Variants in GPNMB observed in about 807,000 individuals in gnomAD.
GPNMB encodes the protein glycoprotein nmb, also known as transmembrane glycoprotein NMB.
A neutral mutation model predicts 57.3 loss-of-function variants in GPNMB; 71 were observed. That is an observed-to-expected ratio of 1.24 (90% CI 1.02 to 1.51). GPNMB has a LOEUF of 1.51. GPNMB is among the 40% of genes most tolerant of loss of function. GPNMB has a pLI of 0.00. For synonymous variants in GPNMB, 253 were observed against 263.2 expected, an observed-to-expected ratio of 0.96 and a Z score of 0.38; for missense variants, 677 against 691.9, an observed-to-expected ratio of 0.98 and a Z score of 0.24.
intron 1 of GPNMB, 90 bp from the exon 2 acceptor site, chr7:23,253,217 C>A: frequency 8.8e-7 from 1 of 1,139,698 alleles, no homozygotes; most frequent in Non-Finnish European, 1.3e-6. Flanking sequence ...TATGTATGTG[C>A]TTTTCAACAG....
intron 2 of GPNMB, 148 bp from the exon 3 acceptor site, chr7:23,254,021 C>T: frequency 1.9e-6 from 1 of 522,262 alleles, no homozygotes; most frequent in Non-Finnish European, 3.1e-6. Flanking sequence ...ACTCTGAAAG[C>T]TAAAGTGAGG....
chr7:23,269,929 T>C, intron 8 of GPNMB, 38 bp from the exon 9 acceptor site: 2 of 1,426,920 alleles, frequency 1.4e-6, no homozygotes, highest in Non-Finnish European at 2.0e-6. Flanking sequence ...TCCCCTTCTC[T>C]GTGCCCTGTG....
intron 1 of GPNMB, among the ~76,000 whole-genome samples, chr7:23,248,183 G>C (rs187070585): frequency 3.3e-5 from 5 of 152,318 alleles, no homozygotes; most frequent in Non-Finnish European, 7.4e-5. Flanking sequence ...GTTCTTGTGA[G>C]ATCAGCTGCT....
At chr7:23,253,486 C>T in intron 2 of GPNMB, 27 bp downstream of exon 2, 3 of 1,588,536 alleles carry the variant, frequency 1.9e-6, no homozygotes, top group Non-Finnish European at 2.6e-6. Flanking sequence ...AAACCAAACA[C>T]CTGCAATTTC....
At chr7:23,266,688 C>A (rs1374586875) in intron 7 of GPNMB, 73 bp downstream of exon 7, 1 of 1,402,042 alleles carries the variant, frequency 7.1e-7, no homozygotes, top group East Asian at 2.3e-5. Flanking sequence ...TCTCTGCTAA[C>A]TCTGAAGGGG....
intron 1 of GPNMB, among the ~76,000 whole-genome samples, chr7:23,251,774 T>G (rs573813514): frequency 6.6e-6 from 1 of 152,340 alleles, no homozygotes; most frequent in South Asian, 2.1e-4. Flanking sequence ...GAAGACTGCT[T>G]CTCAGCTCTC....
chr7:23,256,160 C>T (rs775249678), intron 3 of GPNMB, among the ~76,000 whole-genome samples: 2 of 152,152 alleles, frequency 1.3e-5, no homozygotes, highest in Non-Finnish European at 2.9e-5. Context: ...CCCATCTCGG[C>T]CTCCCAAAGT....
intron 2 of GPNMB, 67 bp downstream of exon 2, chr7:23,253,526 GC>G: frequency 3.7e-6 from 5 of 1,360,866 alleles, no homozygotes; most frequent in Non-Finnish European, 5.2e-6. Context: ...AGATGGTAAA[GC>G]CTTTTAGATC....
chr7:23,259,218 G>T (rs750122586), intron 4 of GPNMB, among the ~76,000 whole-genome samples: 10 of 151,950 alleles, frequency 6.6e-5, no homozygotes, highest in Admixed American at 1.3e-4. Context: ...ACAGAGTCTC[G>T]CTCTGTCACC....
chr7:23,272,609 A>G (rs1464347402), intron 9 of GPNMB, among the ~76,000 whole-genome samples: 1 of 152,224 alleles, frequency 6.6e-6, no homozygotes, highest in Non-Finnish European at 1.5e-5. Flanking sequence ...TCAGAAATAG[A>G]TCATTCTTCA....
In GPNMB at chr7:23,266,537, C is replaced by T. The variant is rs184014301; in HGVS notation, c.1039C>T (p.Leu347=). The change falls in exon 7 of 11, where the codon CTG becomes TTG. Residue 347 remains leucine, a synonymous_variant. Coordinates refer to ENST00000258733, the MANE Select transcript of GPNMB (RefSeq NM_002510.3). Reference sequence around the variant, plus strand: ...CCCAGGACCTGCTGGTGACAACCCCCTGGAGCTGAGTAGGATTCCTGATGA... The same window carrying T: ...CCCAGGACCTGCTGGTGACAACCCCTTGGAGCTGAGTAGGATTCCTGATGA... ...PSLGPAGDNP[L]ELSRIPDENC... 8 of 1,613,638 alleles carry T rather than the reference C, an allele frequency of 5.0e-6. No individual in the cohort carries two copies. The East Asian group carries it at 1.6e-4, about 31-fold the overall frequency.
Position 23,256,915 on chromosome 7 carries a change from T to G in GPNMB, c.391T>G (p.Tyr131Asp), listed in dbSNP as rs956997820. The G allele has an allele frequency of 6.2e-7, 1 of 1,614,042 alleles. No homozygotes were observed. Among genetic ancestry groups the G allele is most frequent in the African/African-American group, 1.3e-5 (1 of 74,936 alleles). ...RNEAGLSADP[Y>D]VYNWTAWSED... ...AGAGGCTGGTTTATCTGCTGATCCGTATGTTTACAACTGGACAGCATGGTC... is the reference window on the plus strand; with the variant it reads ...AGAGGCTGGTTTATCTGCTGATCCGGATGTTTACAACTGGACAGCATGGTC... The change falls in exon 4 of 11, where the codon TAT (tyrosine) becomes GAT (aspartate). Residue 131 changes from tyrosine to aspartate, a missense_variant. Tyr to Asp is a radical substitution (Grantham distance 160). Transcript: ENST00000258733.
At chr7:23,251,229 C>T (rs1184573023) in intron 1 of GPNMB, among the ~76,000 whole-genome samples, 1 of 152,142 alleles carries the variant, frequency 6.6e-6, no homozygotes, top group Non-Finnish European at 1.5e-5. Flanking sequence ...CCTTCTCCTA[C>T]CAGAGAAGAG....
intron 6 of GPNMB, among the ~76,000 whole-genome samples, chr7:23,263,597 A>G (rs112007021): frequency 0.019 from 2,895 of 149,386 alleles, 92 homozygotes; most frequent in African/African-American, 0.069. Context: ...GGGCGACAAG[A>G]GAGAAACTCT....
chr7:23,259,421 A>T (rs1161659066), intron 4 of GPNMB, among the ~76,000 whole-genome samples: 1 of 152,054 alleles, frequency 6.6e-6, no homozygotes, highest in Non-Finnish European at 1.5e-5. Context: ...TGACCTCGTG[A>T]TCCGCCTGCC....
intron 4 of GPNMB, among the ~76,000 whole-genome samples, chr7:23,259,704 T>A (rs1782866610): frequency 6.6e-6 from 1 of 152,186 alleles, no homozygotes; most frequent in South Asian, 2.1e-4. Context: ...CAAACAGCAT[T>A]TATTTGTAAA....
rs756824456 is a variant in GPNMB at position 23,254,173 on chromosome 7, C to T, written c.228C>T (p.Gly76=). ...DMRWKNSWKG[G]RVQAVLTSDS... ...CCCCACTTTTTTATACCCTAGGAGG[C>T]CGTGTGCAGGCGGTCCTGACCAGTG... Residue 76 remains glycine (G), a synonymous_variant, in exon 3 of 11, where the codon GGC becomes GGT. Coordinates refer to ENST00000258733, the MANE Select transcript of GPNMB (RefSeq NM_002510.3). The T allele has an allele frequency of 6.2e-7, 1 of 1,611,508 alleles. No homozygotes were observed. The highest frequency in any genetic ancestry group is 8.5e-7 in the Non-Finnish European group (1 of 1,178,948).
intron 6 of GPNMB, among the ~76,000 whole-genome samples, chr7:23,264,578 T>C (rs1306417996): frequency 1.3e-5 from 2 of 152,084 alleles, no homozygotes; most frequent in African/African-American, 4.8e-5. Flanking sequence ...GGTTCCACCA[T>C]GTTGCCCAGG....
rs758291371 is a variant in GPNMB, at chr7:23,274,084, C to A, written c.1543C>A (p.Pro515Thr). The A allele has an allele frequency of 6.2e-7, 1 of 1,611,302 alleles. No individual in the cohort carries two copies. The highest frequency in any genetic ancestry group is 8.5e-7 in the Non-Finnish European group (1 of 1,178,426). The stretch of plus-strand genomic sequence containing the variant: ...TTTCAGAAAACACAAGGAATACAAC[C>A]CAATAGAAAATAGTCCTGGGAATGT... Reference protein sequence around the residue: ...LVYKKHKEYNPIENSPGNVVR... With the variant: ...LVYKKHKEYNTIENSPGNVVR... The change falls in exon 11 of 11, where the codon CCA becomes ACA. Residue 515 changes from proline (P) to threonine (T), a missense_variant. Physicochemically the swap from Pro to Thr is conservative, Grantham distance 38. Coordinates refer to ENST00000258733, the MANE Select transcript of GPNMB (RefSeq NM_002510.3).
Sources: gnomAD v4.1 joint callset for allele counts (sites outside exome capture counted in the v4.1 genomes callset) on GRCh38, gnomAD v4.1.1 for gene constraint, MANE v1.5 for transcripts, NCBI Gene and HGNC (gene_info 2026-07-23, HGNC 2026-07-21) for gene names.